The following TRPM3 variants were observed in gnomAD, a reference collection of about 807,000 sequenced individuals.
TRPM3 encodes transient receptor potential cation channel subfamily M member 3, also known as long transient receptor potential channel 3.
TRPM3 carries 77 observed loss-of-function variants against 181.2 expected under a neutral mutation model. That is an observed-to-expected ratio of 0.42 (90% CI 0.35 to 0.51). The LOEUF is 0.51. Among genes scored for constraint, TRPM3 ranks in the 20% least tolerant of loss-of-function variants. The probability of loss-of-function intolerance (pLI) is 0.01; values close to 1 mark genes in which losing one functional copy is unlikely to be tolerated. For missense variants in TRPM3, 1,759 were observed against 2,196.7 expected, an observed-to-expected ratio of 0.80 and a Z score of 3.98; for synonymous variants, 745 against 796.4, an observed-to-expected ratio of 0.94 and a Z score of 1.09.
intron 1 of TRPM3, among the ~76,000 whole-genome samples, chr9:71,035,962 C>G (rs1260935360): frequency 1.5e-5 from 2 of 133,982 alleles, no homozygotes; most frequent in African/African-American, 2.9e-5. Flanking sequence ...TGAAACTCAA[C>G]TTGGTGATGC....
At chr9:71,222,728 T>C (rs2080314798) in intron 1 of TRPM3, among the ~76,000 whole-genome samples, 1 of 151,906 alleles carries the variant, frequency 6.6e-6, no homozygotes, top group Non-Finnish European at 1.5e-5. Flanking sequence ...AGCCATACGG[T>C]GTGGAAAGAG....
Position 70,582,126 on chromosome 9 carries a change from A to G in TRPM3, c.3223+8905T>C, listed in dbSNP as rs903295893. Among the ~76,000 whole-genome samples, 6 of 151,934 alleles carry G rather than the reference A, an allele frequency of 3.9e-5. No homozygotes were observed. In the East Asian group the frequency reaches 1.2e-3, roughly 29 times the overall value. ...TAGCTACTTTCAGGAACTTAACTCT[A>G]GAATCCCCTTTGAGTCCACTTTCCT... On this transcript the variant is annotated intron_variant, in intron 22 of 25. Transcript: ENST00000677713.
At chr9:71,272,556 G>A (rs973350783) in intron 1 of TRPM3, among the ~76,000 whole-genome samples, 1 of 152,098 alleles carries the variant, frequency 6.6e-6, no homozygotes, top group Non-Finnish European at 1.5e-5. Context: ...AACAGACTCA[G>A]AGGTTTCTAA....
rs145811275 is a variant in TRPM3, at chr9:71,146,179, C to T, written c.184-281668G>A. On this transcript the variant is annotated intron_variant, in intron 1 of 24. Transcript: ENST00000357533. ...TCTTGTAGATACTCCTTAGACGTTCCTTCGTTTTTAATGTGGGTACACAAT... is the reference window on the plus strand; with the variant it reads ...TCTTGTAGATACTCCTTAGACGTTCTTTCGTTTTTAATGTGGGTACACAAT... Among the ~76,000 whole-genome samples, 357 of 152,162 alleles carry T rather than the reference C, an allele frequency of 2.3e-3. 2 individuals carry two copies. The highest frequency in any genetic ancestry group is 3.6e-3 in the Non-Finnish European group (247 of 68,004).
chr9:70,760,079 G>T (rs2077821564), intron 8 of TRPM3, among the ~76,000 whole-genome samples: 1 of 152,004 alleles, frequency 6.6e-6, no homozygotes, highest in Admixed American at 6.6e-5. Context: ...AACTTTTTCA[G>T]CAGAGACCAC....
At chr9:71,436,800 A>G (rs1185193117) in intron 1 of TRPM3, among the ~76,000 whole-genome samples, 1 of 152,202 alleles carries the variant, frequency 6.6e-6, no homozygotes, top group East Asian at 1.9e-4. Flanking sequence ...CCCATGTCAT[A>G]CTTCCGTACT....
chr9:70,610,786 C>A, intron 18 of TRPM3, 37 bp from the exon 19 acceptor site: 1 of 1,609,704 alleles, frequency 6.2e-7, no homozygotes, highest in Non-Finnish European at 8.5e-7. Context: ...CATGACAGGG[C>A]TCTGGAGAGC....
intron 1 of TRPM3, among the ~76,000 whole-genome samples, chr9:71,313,607 C>A (rs1481293882): frequency 1.3e-5 from 2 of 152,130 alleles, no homozygotes; most frequent in South Asian, 4.1e-4. Context: ...TGTTGCATAC[C>A]TTTTCTAATT....
At chr9:70,698,074 G>T (rs1054291757) in intron 8 of TRPM3, among the ~76,000 whole-genome samples, 11 of 152,032 alleles carry the variant, frequency 7.2e-5, no homozygotes, top group Non-Finnish European at 1.5e-4. Flanking sequence ...CAGGTGTGGT[G>T]GCATCAGCTT....
rs932268832 is a variant in TRPM3, at chr9:71,117,260, G to T, written c.177+3918C>A. Among the ~76,000 whole-genome samples, 92 of 152,004 alleles carry T rather than the reference G, an allele frequency of 6.1e-4. 1 individual carries two copies. The highest frequency in any genetic ancestry group is 2.9e-4 in the Non-Finnish European group (20 of 68,008). ...AGCAACTATACAATACCTAAATCTG[G>T]TGATCACCTCGCTGCAAAAATTCTT... On this transcript the variant is annotated intron_variant, in intron 1 of 25. Transcript: ENST00000677713.
At chr9:71,379,078 C>T (rs946035692) in intron 1 of TRPM3, among the ~76,000 whole-genome samples, 2 of 151,968 alleles carry the variant, frequency 1.3e-5, no homozygotes, top group Admixed American at 6.6e-5. Flanking sequence ...TTTATAACTA[C>T]ATTATAGTTA....
intron 1 of TRPM3, among the ~76,000 whole-genome samples, chr9:70,893,566 G>A (rs2132886919): frequency 6.6e-6 from 1 of 152,170 alleles, no homozygotes; most frequent in Non-Finnish European, 1.5e-5. Flanking sequence ...TATATTTCTA[G>A]TAGTAATTTT....
At chr9:70,663,273 A>G (rs2061375119) in intron 9 of TRPM3, among the ~76,000 whole-genome samples, 1 of 152,154 alleles carries the variant, frequency 6.6e-6, no homozygotes, top group Non-Finnish European at 1.5e-5. Context: ...ATAAAAGACT[A>G]CATATTGGAT....
chr9:70,635,521 G>A lies in TRPM3; in HGVS notation c.1582-260C>T, dbSNP rs149448179. Among the ~76,000 whole-genome samples the A allele has an allele frequency of 1.7e-3, 242 of 140,332 alleles. 2 individuals are homozygous for A. The highest frequency in any genetic ancestry group is 0.016 in the Admixed American group (205 of 12,672). 92.1% of individuals were successfully genotyped at this position (140,332 alleles called of 152,430 possible). On this transcript the variant is annotated intron_variant, in intron 11 of 25. Transcript: ENST00000677713. The stretch of plus-strand genomic sequence containing the variant: ...TCTGTTACCCAGGCTGGAGTGCAAC[G>A]GCATAATCACAGCTCACTGCAGCCT...
intron 3 of TRPM3, among the ~76,000 whole-genome samples, chr9:70,857,548 ATAAT>A (rs1408340807): frequency 6.6e-6 from 1 of 152,202 alleles, no homozygotes; most frequent in Non-Finnish European, 1.5e-5. Context: ...AAACATAATA[ATAAT>A]TAGCTTCCTT....
At chr9:71,334,758 G>T (rs903781841) in intron 1 of TRPM3, among the ~76,000 whole-genome samples, 1 of 152,006 alleles carries the variant, frequency 6.6e-6, no homozygotes, top group African/African-American at 2.4e-5. Flanking sequence ...CTGATTAGTT[G>T]TTCTTTAACT....
intron 1 of TRPM3, among the ~76,000 whole-genome samples, chr9:71,029,156 A>G (rs2134636279): frequency 6.6e-6 from 1 of 152,322 alleles, no homozygotes; most frequent in East Asian, 1.9e-4. Context: ...CTTTGAAATT[A>G]ATGAGAACGA....
At chr9:70,566,361 C>T (rs886649067) in intron 22 of TRPM3, among the ~76,000 whole-genome samples, 1 of 152,104 alleles carries the variant, frequency 6.6e-6, no homozygotes, top group East Asian at 1.9e-4. Context: ...GAGCTACATC[C>T]TGTGAGCACA....
chr9:71,031,978 AT>A (rs373675603), intron 1 of TRPM3, among the ~76,000 whole-genome samples: 2,066 of 4,972 alleles, frequency 0.42, 874 homozygotes, highest in East Asian at 1. Flanking sequence ...TATATTATAT[AT>A]ATATATATTA....
Sources: gnomAD v4.1 joint callset for allele counts (sites outside exome capture counted in the v4.1 genomes callset) on GRCh38, gnomAD v4.1.1 for gene constraint, MANE v1.5 for transcripts, NCBI Gene and HGNC (gene_info 2026-07-23, HGNC 2026-07-21) for gene names.